Variants in AQP1 observed in about 807,000 individuals in gnomAD.
The protein encoded by AQP1 is aquaporin 1 (Colton blood group).
Under a neutral mutation model 19.7 loss-of-function variants are expected in AQP1, and 11 were observed. The ratio of observed to expected loss-of-function variants is 0.56; its 90% CI spans 0.35 to 0.92. AQP1 has a LOEUF of 0.92. Among genes scored for constraint, AQP1 ranks in the 40% least tolerant of loss-of-function variants. The pLI is 0.01. For missense variants in AQP1, 320 were observed against 369.7 expected, an observed-to-expected ratio of 0.87 and a Z score of 1.10; for synonymous variants, 159 against 166.7, an observed-to-expected ratio of 0.95 and a Z score of 0.36.
At chr7:30,922,668 G>T (rs1791553466) in intron 3 of AQP1, 24 bp downstream of exon 3, 5 of 1,606,770 alleles carry the variant, frequency 3.1e-6, no homozygotes, top group Non-Finnish European at 4.3e-6. Flanking sequence ...GGGGGGTGGG[G>T]TGGGAAGCTT....
At position 30,924,361 on chromosome 7, in the gene AQP1, G is replaced by T. The variant is rs575012514; in HGVS notation, c.*732G>T. On this transcript the variant is annotated 3_prime_UTR_variant, in exon 4 of 4. Transcript: ENST00000311813. ...TTCTTTCCCCAGGGGCATGACTGTC[G>T]CCACACGCCTCTGTGTACATGTGTG... The T allele has an allele frequency of 2.0e-4, 36 of 177,622 alleles. No homozygotes were observed. Among genetic ancestry groups the T allele is most frequent in the African/African-American group, 8.2e-4 (35 of 42,836 alleles). The allele number at this position is 177,622 out of a possible 1,614,324, so 11.0% of individuals were successfully genotyped here. A position where few individuals can be genotyped will look rare whatever the true frequency, so the allele number is the denominator to read the frequency against.
At position 30,912,737 on chromosome 7, in the gene AQP1, A is replaced by G. The variant is rs192093078; in HGVS notation, c.384+444A>G. On this transcript the variant is annotated intron_variant, in intron 1 of 3. Transcript: ENST00000311813. This position sits in a 1 kb window ranked among gnomAD's most constrained non-coding sequence, Gnocchi z 4.3. ...CAGCCTGTCTGCAGCTGGCTCTGCA[A>G]GTGTGTGAGCAGGACTCCCTCAGGG... 6.6e-6 allele frequency among the ~76,000 whole-genome samples: 1 copy of G among 152,322 alleles called. No homozygotes were observed. Among genetic ancestry groups the G allele is most frequent in the East Asian group, 1.9e-4 (1 of 5,174 alleles).
At chr7:30,919,328 A>G (rs1791436350) in intron 1 of AQP1, among the ~76,000 whole-genome samples, 2 of 152,210 alleles carry the variant, frequency 1.3e-5, no homozygotes, top group African/African-American at 4.8e-5. Flanking sequence ...AGTTAATTCC[A>G]GCCAGGGATC....
At chr7:30,914,088 G>A (rs1407904158) in intron 1 of AQP1, among the ~76,000 whole-genome samples, 2 of 152,214 alleles carry the variant, frequency 1.3e-5, no homozygotes, top group Non-Finnish European at 1.5e-5. Flanking sequence ...AGGCAGAGGC[G>A]GGAGGGTGGG....
Position 30,924,352 on chromosome 7 carries a change from A to G in AQP1, c.*723A>G, listed in dbSNP as rs917139385. ...TGCCCTGTGTTCTTTCCCCAGGGGC[A>G]TGACTGTCGCCACACGCCTCTGTGT... On this transcript the variant is annotated 3_prime_UTR_variant, in exon 4 of 4. Coordinates refer to ENST00000311813, the MANE Select transcript of AQP1 (RefSeq NM_198098.4). The G allele has an allele frequency of 5.5e-5, 10 of 180,828 alleles. No individual in the cohort carries two copies. Among genetic ancestry groups the G allele is most frequent in the African/African-American group, 1.9e-4 (8 of 42,906 alleles). 11.2% of individuals were successfully genotyped at this position (180,828 alleles called of 1,614,324 possible).
At chr7:30,917,479 G>C (rs1460385536) in intron 1 of AQP1, among the ~76,000 whole-genome samples, 3 of 152,200 alleles carry the variant, frequency 2.0e-5, no homozygotes. Context: ...GAGACCTGCT[G>C]CTTTCTCACA....
In AQP1 at chr7:30,912,425, GAGAGCTGGGGGGA is replaced by G; in HGVS notation, c.384+143_384+155del. 7.5e-7 allele frequency: 1 copy of G among 1,341,266 alleles called. No individual in the cohort carries two copies. The highest frequency in any genetic ancestry group is 1.0e-6 in the Non-Finnish European group (1 of 992,868). The allele number at this position is 1,341,266 out of a possible 1,614,324, so 83.1% of individuals were successfully genotyped here. On this transcript the variant is annotated intron_variant, in intron 1 of 3. Coordinates refer to ENST00000311813, the MANE Select transcript of AQP1 (RefSeq NM_198098.4). The surrounding 1 kb of genome is among the most constrained non-coding windows in gnomAD (Gnocchi z 4.3). The stretch of plus-strand genomic sequence containing the variant: ...ACAAGAGGTTGCTGGAGGTCACGTA[GAGAGCTGGGGGGA>G]AGAGCTGGGGCTGGAACTCAGCTAT...
rs746033215 is a variant in AQP1, at chr7:30,923,414, A to G, written c.631-36A>G. On this transcript the variant is annotated intron_variant, in intron 3 of 3. Coordinates refer to ENST00000311813, the MANE Select transcript of AQP1 (RefSeq NM_198098.4). This position sits in a 1 kb window ranked among gnomAD's most constrained non-coding sequence, Gnocchi z 4.8. ...AGGGAACGCTTCCCAGGGGCTTTTGAGTGGAGCCCTCTGAACACACCTGCT... is the reference window on the plus strand; with the variant it reads ...AGGGAACGCTTCCCAGGGGCTTTTGGGTGGAGCCCTCTGAACACACCTGCT... 1.2e-5 allele frequency: 20 copies of G among 1,612,586 alleles called. 1 individual carries two copies. The highest frequency in any genetic ancestry group is 1.7e-5 in the Non-Finnish European group (20 of 1,179,666).
At chr7:30,921,529 AAG>A (rs1308694528) in intron 1 of AQP1, 59 of 1,521,874 alleles carry the variant, frequency 3.9e-5, no homozygotes, top group Non-Finnish European at 5.0e-5. Flanking sequence ...ACAGAGGAGA[AAG>A]AGGGGTGGAG....
rs1791624550 is a variant in AQP1, at chr7:30,924,364, A to G, written c.*735A>G. The G allele has an allele frequency of 5.6e-6, 1 of 178,084 alleles. No homozygotes were observed. The highest frequency in any genetic ancestry group is 1.2e-5 in the Non-Finnish European group (1 of 82,822). 11.0% of individuals were successfully genotyped at this position (178,084 alleles called of 1,614,324 possible). On this transcript the variant is annotated 3_prime_UTR_variant, in exon 4 of 4. Transcript: ENST00000311813. ...TTTCCCCAGGGGCATGACTGTCGCC[A>G]CACGCCTCTGTGTACATGTGTGCAG...
At chr7:30,913,830 C>T (rs28362697) in intron 1 of AQP1, among the ~76,000 whole-genome samples, 4,288 of 134,836 alleles carry the variant, frequency 0.032, 97 homozygotes, top group Non-Finnish European at 0.049. Flanking sequence ...CTCAGGCAGG[C>T]CACATCAAGC....
At chr7:30,915,519 G>A (rs1459573795) in intron 1 of AQP1, among the ~76,000 whole-genome samples, 3 of 152,136 alleles carry the variant, frequency 2.0e-5, no homozygotes, top group African/African-American at 7.2e-5. Flanking sequence ...TGGTACGGGA[G>A]TTGTTGGGTA....
In AQP1 at chr7:30,911,971, C is replaced by T. The variant is rs746048942; in HGVS notation, c.62C>T (p.Thr21Met). The T allele has an allele frequency of 7.4e-6, 12 of 1,613,492 alleles. No homozygotes were observed. Among genetic ancestry groups the T allele is most frequent in the South Asian group, 4.4e-5 (4 of 91,096 alleles). The change falls in exon 1 of 4, where the codon ACG (threonine) becomes ATG (methionine). Residue 21 changes from threonine to methionine, a missense_variant. Transcript: ENST00000311813. ...GCAGTGGTGGCCGAGTTCCTGGCCACGACCCTCTTTGTCTTCATCAGCATC... is the reference window on the plus strand; with the variant it reads ...GCAGTGGTGGCCGAGTTCCTGGCCATGACCCTCTTTGTCTTCATCAGCATC... ...WRAVVAEFLATTLFVFISIGS... is the reference protein window; with the variant it reads ...WRAVVAEFLAMTLFVFISIGS...
rs757202748 is a variant in AQP1, at chr7:30,923,955, C to T, written c.*326C>T. On this transcript the variant is annotated 3_prime_UTR_variant, in exon 4 of 4. Transcript: ENST00000311813. This position sits in a 1 kb window ranked among gnomAD's most constrained non-coding sequence, Gnocchi z 4.8. Reference sequence around the variant, plus strand: ...GGAGGTGTGCCAGAAAGTCCCCCCTCGCCCCAAAGTTGCTCACCGACTCAC... The same window carrying T: ...GGAGGTGTGCCAGAAAGTCCCCCCTTGCCCCAAAGTTGCTCACCGACTCAC... 28 of 1,412,104 alleles carry T rather than the reference C, an allele frequency of 2.0e-5. No homozygotes were observed. The South Asian group carries it at 2.2e-4, about 11-fold the overall frequency. The allele number at this position is 1,412,104 out of a possible 1,614,324, so 87.5% of individuals were successfully genotyped here. A position where few individuals can be genotyped will look rare whatever the true frequency, so the allele number is the denominator to read the frequency against.
chr7:30,911,967 G>T lies in AQP1; in HGVS notation c.58G>T (p.Ala20Ser). The T allele has an allele frequency of 6.2e-7, 1 of 1,613,546 alleles. No individual in the cohort carries two copies. Among genetic ancestry groups the T allele is most frequent in the Non-Finnish European group, 8.5e-7 (1 of 1,180,032 alleles). The change falls in exon 1 of 4, where the codon GCC becomes TCC. Residue 20 changes from alanine to serine, a missense_variant. By Grantham distance (99) the Ala-to-Ser change is moderately conservative (BLOSUM62 1). Transcript: ENST00000311813. The part of the protein sequence containing the change: ...FWRAVVAEFL[A>S]TTLFVFISIG... The stretch of plus-strand genomic sequence containing the variant: ...GAGGGCAGTGGTGGCCGAGTTCCTG[G>T]CCACGACCCTCTTTGTCTTCATCAG...
At position 30,911,975 on chromosome 7, in the gene AQP1, C is replaced by A. The variant is rs1022673944; in HGVS notation, c.66C>A (p.Thr22=). The part of the protein sequence containing the change: ...RAVVAEFLAT[T]LFVFISIGSA... Reference sequence around the variant, plus strand: ...TGGTGGCCGAGTTCCTGGCCACGACCCTCTTTGTCTTCATCAGCATCGGTT... The same window carrying A: ...TGGTGGCCGAGTTCCTGGCCACGACACTCTTTGTCTTCATCAGCATCGGTT... Residue 22 remains threonine (T), a synonymous_variant, in exon 1 of 4, where the codon ACC becomes ACA. Transcript: ENST00000311813. The A allele has an allele frequency of 6.2e-7, 1 of 1,613,488 alleles. No homozygotes were observed. The highest frequency in any genetic ancestry group is 8.5e-7 in the Non-Finnish European group (1 of 1,180,042).
intron 2 of AQP1, 25 bp from the exon 3 acceptor site, chr7:30,922,539 C>T: frequency 4.4e-6 from 7 of 1,605,566 alleles, no homozygotes; most frequent in Non-Finnish European, 4.3e-6. Flanking sequence ...GCCTTCGCCC[C>T]TCCCTCTGTT....
chr7:30,912,401 CAA>C lies in AQP1; in HGVS notation c.384+109_384+110del, dbSNP rs1438390919. The C allele has an allele frequency of 9.4e-6, 14 of 1,494,322 alleles. No homozygotes were observed. Among genetic ancestry groups the C allele is most frequent in the South Asian group, 6.4e-5 (5 of 78,314 alleles). 92.6% of individuals were successfully genotyped at this position (1,494,322 alleles called of 1,614,324 possible). A position where few individuals can be genotyped will look rare whatever the true frequency, so the allele number is the denominator to read the frequency against. On this transcript the variant is annotated intron_variant, in intron 1 of 3. Coordinates refer to ENST00000311813, the MANE Select transcript of AQP1 (RefSeq NM_198098.4). The surrounding 1 kb of genome is among the most constrained non-coding windows in gnomAD (Gnocchi z 4.3). Reference sequence around the variant, plus strand: ...TGGGGACACTGAGGAACGGAGAGGACAAGAGGTTGCTGGAGGTCACGTAGAGA... The same window carrying C: ...TGGGGACACTGAGGAACGGAGAGGACGAGGTTGCTGGAGGTCACGTAGAGA...
In AQP1 at chr7:30,912,150, C is replaced by A. The variant is rs1325277474; in HGVS notation, c.241C>A (p.Leu81Met). ...SGAHLNPAVTLGLLLSCQISI... is the reference protein window; with the variant it reads ...SGAHLNPAVTMGLLLSCQISI... ...CGCCCACCTCAACCCGGCTGTCACACTGGGGCTGCTGCTCAGCTGCCAGAT... is the reference window on the plus strand; with the variant it reads ...CGCCCACCTCAACCCGGCTGTCACAATGGGGCTGCTGCTCAGCTGCCAGAT... Residue 81 changes from leucine (L) to methionine (M), a missense_variant, in exon 1 of 4, where the codon CTG (leucine) becomes ATG (methionine). Transcript: ENST00000311813. This position sits in a 1 kb window ranked among gnomAD's most constrained non-coding sequence, Gnocchi z 4.3. The A allele has an allele frequency of 2.5e-6, 4 of 1,612,970 alleles. No homozygotes were observed. The highest frequency in any genetic ancestry group is 2.7e-5 in the African/African-American group (2 of 74,950).
Sources: allele counts gnomAD v4.1 joint callset (sites outside exome capture counted in the v4.1 genomes callset), GRCh38; gene constraint gnomAD v4.1.1; non-coding constraint Gnocchi (gnomAD v3.1); transcripts MANE v1.5; gene names NCBI Gene and HGNC (gene_info 2026-07-23, HGNC 2026-07-21).